DAZAP1: variants seen among roughly 807,000 people sequenced by gnomAD.
DAZAP1 encodes the protein DAZ-associated protein 1.
A neutral mutation model predicts 60.1 loss-of-function variants in DAZAP1; 6 were observed. The observed-to-expected ratio is 0.10, with a 90% confidence interval of 0.05 to 0.20. The LOEUF is 0.20. DAZAP1 is among the 10% of genes least tolerant of loss of function. DAZAP1 has a pLI of 1.00. For synonymous variants in DAZAP1, 235 were observed against 215.9 expected (o/e 1.09, Z -0.78); for missense variants, 366 against 560.4 (o/e 0.65, Z 3.50).
At position 1,433,184 on chromosome 19, in the gene DAZAP1, C is replaced by T. The variant is rs567844747; in HGVS notation, c.1048+494C>T. The T allele has an allele frequency of 8.0e-5, 15 of 187,096 alleles. No individual in the cohort carries two copies. The South Asian group carries it at 1.5e-3, about 19-fold the overall frequency. The allele number at this position is 187,096 out of a possible 1,614,324, so 11.6% of individuals were successfully genotyped here. ...GGATGGCTGTCGTGGCTTGGGTCTG[C>T]CTGGACGTGATCTGCAGGCAGCGCA... On this transcript the variant is annotated intron_variant, in intron 11 of 11. Coordinates refer to ENST00000233078, the MANE Select transcript of DAZAP1 (RefSeq NM_018959.4). This position sits in a 1 kb window ranked among gnomAD's most constrained non-coding sequence, Gnocchi z 6.1.
At position 1,414,884 on chromosome 19, in the gene DAZAP1, C is replaced by G. The variant is rs541984577; in HGVS notation, c.30-2616C>G. ...TGTCACCCCTGCTGGAGTGCAGTGACACAATCACGGCTCACTGCAGCCTCG... is the reference window on the plus strand; with the variant it reads ...TGTCACCCCTGCTGGAGTGCAGTGAGACAATCACGGCTCACTGCAGCCTCG... On this transcript the variant is annotated intron_variant, in intron 1 of 11. Coordinates refer to ENST00000233078, the MANE Select transcript of DAZAP1 (RefSeq NM_018959.4). 1.1e-4 allele frequency among the ~76,000 whole-genome samples: 16 copies of G among 151,036 alleles called. No homozygotes were observed. In the South Asian group the frequency reaches 2.5e-3, roughly 24 times the overall value.
rs936025838 is a variant in DAZAP1 at position 1,435,077 on chromosome 19, T to A, written c.*165T>A. The A allele has an allele frequency of 4.2e-6, 2 of 472,938 alleles. No homozygotes were observed. The highest frequency in any genetic ancestry group is 6.9e-6 in the Non-Finnish European group (2 of 290,290). The allele number at this position is 472,938 out of a possible 1,614,324, so 29.3% of individuals were successfully genotyped here. A position where few individuals can be genotyped will look rare whatever the true frequency, so the allele number is the denominator to read the frequency against. ...GCTGTGGGTGTCGTCTGGACTGAGGTTTTTAAATATTTCTTTCTCTAACCC... is the reference window on the plus strand; with the variant it reads ...GCTGTGGGTGTCGTCTGGACTGAGGATTTTAAATATTTCTTTCTCTAACCC... On this transcript the variant is annotated 3_prime_UTR_variant, in exon 12 of 12. Coordinates refer to ENST00000233078, the MANE Select transcript of DAZAP1 (RefSeq NM_018959.4).
rs1368632559 is a variant in DAZAP1, at chr19:1,423,133, G to GCCCCCGCGCCA, written c.463+744_463+745insGCCACCCCCGC. 5.9e-5 allele frequency among the ~76,000 whole-genome samples: 9 copies of GCCCCCGCGCCA among 151,968 alleles called. No individual in the cohort carries two copies. Among genetic ancestry groups the GCCCCCGCGCCA allele is most frequent in the African/African-American group, 2.2e-4 (9 of 41,550 alleles). ...TGGGTCTGCCCGCCACGTCCGTGCC[G>GCCCCCGCGCCA]CCCCCGCACCACCGGCCCAGGTCAG... On this transcript the variant is annotated intron_variant, in intron 6 of 11. Transcript: ENST00000233078. The surrounding 1 kb of genome is among the most constrained non-coding windows in gnomAD (Gnocchi z 6.8).
Position 1,417,487 on chromosome 19 carries a change from C to T in DAZAP1, c.30-13C>T, listed in dbSNP as rs1227257524. On this transcript the variant is annotated splice_polypyrimidine_tract_variant and intron_variant, in intron 1 of 11. Coordinates refer to ENST00000233078, the MANE Select transcript of DAZAP1 (RefSeq NM_018959.4). ...GCTGTCTTGATCCTGAATGTTTTCT[C>T]ATTGAATCGCAGGAAGCTCTTCGTG... is the stretch of plus-strand genomic sequence containing the variant. 3 of 1,600,216 alleles carry T rather than the reference C, an allele frequency of 1.9e-6. No individual in the cohort carries two copies. The highest frequency in any genetic ancestry group is 1.7e-6 in the Non-Finnish European group (2 of 1,173,840).
At position 1,433,928 on chromosome 19, in the gene DAZAP1, C is replaced by A; in HGVS notation, c.1049-809C>A. 1 of 1,089,418 alleles carries A rather than the reference C, an allele frequency of 9.2e-7. No individual in the cohort carries two copies. The allele number at this position is 1,089,418 out of a possible 1,614,324, so 67.5% of individuals were successfully genotyped here. A position where few individuals can be genotyped will look rare whatever the true frequency, so the allele number is the denominator to read the frequency against. On this transcript the variant is annotated intron_variant, in intron 11 of 11. Transcript: ENST00000233078. This position sits in a 1 kb window ranked among gnomAD's most constrained non-coding sequence, Gnocchi z 6.1. ...CGGGCGGGGGTGGACGCTGGCGGTG[C>A]CCTCTGGGAAGGGGCCCTTGCCGGT... is the stretch of plus-strand genomic sequence containing the variant.
In DAZAP1 at chr19:1,433,857, C is replaced by T. The variant is rs1201584563; in HGVS notation, c.1049-880C>T. 2 of 1,596,332 alleles carry T rather than the reference C, an allele frequency of 1.3e-6. No individual in the cohort carries two copies. The highest frequency in any genetic ancestry group is 8.6e-7 in the Non-Finnish European group (1 of 1,164,780). ...GTGCCGCCTCCTTCTCCAGGGTCCT[C>T]CCACCCGCCTGCACCGGGAGGTGGA... On this transcript the variant is annotated intron_variant, in intron 11 of 11. Coordinates refer to ENST00000233078, the MANE Select transcript of DAZAP1 (RefSeq NM_018959.4). This position sits in a 1 kb window ranked among gnomAD's most constrained non-coding sequence, Gnocchi z 6.1.
chr19:1,421,816 G>C (rs1275566526), intron 5 of DAZAP1, among the ~76,000 whole-genome samples: 1 of 152,208 alleles, frequency 6.6e-6, no homozygotes, highest in African/African-American at 2.4e-5. Flanking sequence ...CTGCGTGCCT[G>C]AGTACTGCGC....
Position 1,422,824 on chromosome 19 carries a change from C to CT in DAZAP1, c.463+431dup. ...GTGATCCATCCCATGCTTTTTTTTT[C>CT]TTTCTTTCTTTTTTCCTTTTCTTTT... On this transcript the variant is annotated intron_variant, in intron 6 of 11. Coordinates refer to ENST00000233078, the MANE Select transcript of DAZAP1 (RefSeq NM_018959.4). This position sits in a 1 kb window ranked among gnomAD's most constrained non-coding sequence, Gnocchi z 4.5. Among the ~76,000 whole-genome samples, 1 of 149,678 alleles carries CT rather than the reference C, an allele frequency of 6.7e-6. No individual in the cohort carries two copies. Among genetic ancestry groups the CT allele is most frequent in the African/African-American group, 2.5e-5 (1 of 39,702 alleles).
At chr19:1,417,234 C>CATTAAAAAA in intron 1 of DAZAP1, 1 of 520,354 alleles carries the variant, frequency 1.9e-6, no homozygotes, top group South Asian at 2.3e-5. Context: ...CCCAGGAACT[C>CATTAAAAAA]ATCGCCCGCC....
In DAZAP1 at chr19:1,432,252, C is replaced by T. The variant is rs764381602; in HGVS notation, c.872-262C>T. 28 of 535,226 alleles carry T rather than the reference C, an allele frequency of 5.2e-5. No homozygotes were observed. Among genetic ancestry groups the T allele is most frequent in the Middle Eastern group, 4.9e-4 (1 of 2,024 alleles). 33.2% of individuals were successfully genotyped at this position (535,226 alleles called of 1,614,324 possible). ...GAGTTCTTGTCTGAGGCCCACCTGG[C>T]GGCTGCTCCGTGAGGAACGAGGTGG... On this transcript the variant is annotated intron_variant, in intron 10 of 11. Transcript: ENST00000233078. This position sits in a 1 kb window ranked among gnomAD's most constrained non-coding sequence, Gnocchi z 4.9.
At chr19:1,417,978 C>T (rs187852029) in intron 2 of DAZAP1, among the ~76,000 whole-genome samples, 18 of 152,288 alleles carry the variant, frequency 1.2e-4, no homozygotes, top group African/African-American at 4.3e-4. Flanking sequence ...AGGTTGTAAC[C>T]GCTGGCCACT....
Position 1,433,905 on chromosome 19 carries a change from G to A in DAZAP1, c.1049-832G>A. The stretch of plus-strand genomic sequence containing the variant: ...GGACGTGGCTTCCTCTGCCGTCCCG[G>A]GCGGGGGTGGACGCTGGCGGTGCCC... On this transcript the variant is annotated intron_variant, in intron 11 of 11. Transcript: ENST00000233078. This position sits in a 1 kb window ranked among gnomAD's most constrained non-coding sequence, Gnocchi z 6.1. 1 of 1,352,098 alleles carries A rather than the reference G, an allele frequency of 7.4e-7. No individual in the cohort carries two copies. Among genetic ancestry groups the A allele is most frequent in the South Asian group, 1.2e-5 (1 of 85,282 alleles). The allele number at this position is 1,352,098 out of a possible 1,614,324, so 83.8% of individuals were successfully genotyped here. A position where few individuals can be genotyped will look rare whatever the true frequency, so the allele number is the denominator to read the frequency against.
Position 1,414,789 on chromosome 19 carries a change from T to G in DAZAP1, c.30-2711T>G, listed in dbSNP as rs191087070. On this transcript the variant is annotated intron_variant, in intron 1 of 11. Coordinates refer to ENST00000233078, the MANE Select transcript of DAZAP1 (RefSeq NM_018959.4). Reference sequence around the variant, plus strand: ...TTTTTAAAATTGTATTTGAGTATTTTTTATTTTTTTAATTTTATTTAAGAG... The same window carrying G: ...TTTTTAAAATTGTATTTGAGTATTTGTTATTTTTTTAATTTTATTTAAGAG... 2.2e-3 allele frequency among the ~76,000 whole-genome samples: 328 copies of G among 152,186 alleles called. 2 individuals are homozygous for G. The highest frequency in any genetic ancestry group is 7.4e-3 in the African/African-American group (307 of 41,566).
Position 1,433,966 on chromosome 19 carries a change from GC to G in DAZAP1, c.1049-769del. 1 of 735,128 alleles carries G rather than the reference GC, an allele frequency of 1.4e-6. No homozygotes were observed. Among genetic ancestry groups the G allele is most frequent in the South Asian group, 1.7e-5 (1 of 58,882 alleles). 45.5% of individuals were successfully genotyped at this position (735,128 alleles called of 1,614,324 possible). On this transcript the variant is annotated intron_variant, in intron 11 of 11. Transcript: ENST00000233078. This position sits in a 1 kb window ranked among gnomAD's most constrained non-coding sequence, Gnocchi z 6.1. ...GGCCCTTGCCGGTGCCAAGACATTG[GC>G]CACAAGCCTTCAGCGGGCCCAGGAT...
rs114287259 is a variant in DAZAP1 at position 1,430,479 on chromosome 19, C to T, written c.871+117C>T. On this transcript the variant is annotated intron_variant, in intron 10 of 11. Coordinates refer to ENST00000233078, the MANE Select transcript of DAZAP1 (RefSeq NM_018959.4). ...CTGGCCTCAGCCACAGGTGGGGTGC[C>T]GGCTGGTCAGCAGGTCACCTGCCAC... is the stretch of plus-strand genomic sequence containing the variant. 8.9e-3 allele frequency: 8,819 copies of T among 985,374 alleles called. 588 individuals carry two copies. In the African/African-American group the frequency reaches 0.14, roughly 15 times the overall value. The allele number at this position is 985,374 out of a possible 1,614,324, so 61.0% of individuals were successfully genotyped here. A position where few individuals can be genotyped will look rare whatever the true frequency, so the allele number is the denominator to read the frequency against.
In DAZAP1 at chr19:1,433,791, C is replaced by T. The variant is rs759616957; in HGVS notation, c.1049-946C>T. The T allele has an allele frequency of 1.5e-5, 25 of 1,613,912 alleles. No homozygotes were observed. Among genetic ancestry groups the T allele is most frequent in the South Asian group, 4.4e-5 (4 of 91,088 alleles). ...CGGGCTGCGGCCCACACTTTGTTTA[C>T]AGTCTTATGGTCAGGCTGAGCAGTG... is the stretch of plus-strand genomic sequence containing the variant. On this transcript the variant is annotated intron_variant, in intron 11 of 11. Transcript: ENST00000233078. The surrounding 1 kb of genome is among the most constrained non-coding windows in gnomAD (Gnocchi z 6.1).
At chr19:1,430,784 A>T (rs534159944) in intron 10 of DAZAP1, among the ~76,000 whole-genome samples, 1 of 145,618 alleles carries the variant, frequency 6.9e-6, no homozygotes, top group South Asian at 2.2e-4. Context: ...GCAGTGGCGC[A>T]ATCGCGGCTC....
chr19:1,429,512 C>T lies in DAZAP1; in HGVS notation c.701-455C>T, dbSNP rs147666455. On this transcript the variant is annotated intron_variant, in intron 8 of 11. Transcript: ENST00000233078. ...CCCTGGGCTTGGCTGCAGCCCGACC[C>T]GAGTTGTGGGTCAGGGTTCCAGATG... Among the ~76,000 whole-genome samples, 533 of 152,304 alleles carry T rather than the reference C, an allele frequency of 3.5e-3. 3 individuals carry two copies. Among genetic ancestry groups the T allele is most frequent in the African/African-American group, 0.012 (483 of 41,574 alleles).
chr19:1,415,386 TGTG>T (rs1243744928), intron 1 of DAZAP1, among the ~76,000 whole-genome samples: 4 of 146,640 alleles, frequency 2.7e-5, no homozygotes, highest in African/African-American at 1.0e-4. Flanking sequence ...TGTGTGTGTG[TGTG>T]TTTTGTTTTT....
Sources: gnomAD v4.1 joint callset for allele counts (sites outside exome capture counted in the v4.1 genomes callset) on GRCh38, gnomAD v4.1.1 for gene constraint, Gnocchi (gnomAD v3.1) non-coding constraint, MANE v1.5 for transcripts, NCBI Gene and HGNC (gene_info 2026-07-23, HGNC 2026-07-21) for gene names.